Variants in DGKZ observed in about 807,000 individuals in gnomAD.
DGKZ encodes DAG kinase zeta.
In DGKZ, 45 loss-of-function variants were observed where a neutral mutation model predicts 142.5. That is an observed-to-expected ratio of 0.32 (90% CI 0.25 to 0.40). The LOEUF (loss-of-function observed/expected upper bound fraction) is 0.40, where lower values mean the gene tolerates loss of function less well. Among genes scored for constraint, DGKZ ranks in the 10% least tolerant of loss-of-function variants. The probability of loss-of-function intolerance (pLI) is 1.00; values close to 1 mark genes in which losing one functional copy is unlikely to be tolerated. For missense variants in DGKZ, 755 were observed against 1,306.5 expected, an observed-to-expected ratio of 0.58 and a Z score of 6.51; for synonymous variants, 442 against 527.0, an observed-to-expected ratio of 0.84 and a Z score of 2.21.
At chr11:46,360,227 T>C (rs1337970857) in intron 1 of DGKZ, among the ~76,000 whole-genome samples, 1 of 152,192 alleles carries the variant, frequency 6.6e-6, no homozygotes, top group East Asian at 1.9e-4. Context: ...TTTTAGAAAA[T>C]TATTTATAAA....
rs969093861 is a variant in DGKZ, at chr11:46,367,068, C to A, written c.162-223C>A. 18 of 1,442,656 alleles carry A rather than the reference C, an allele frequency of 1.2e-5. No homozygotes were observed. The highest frequency in any genetic ancestry group is 1.7e-5 in the Non-Finnish European group (18 of 1,086,646). The allele number at this position is 1,442,656 out of a possible 1,614,324, so 89.4% of individuals were successfully genotyped here. A position where few individuals can be genotyped will look rare whatever the true frequency, so the allele number is the denominator to read the frequency against. ...GCATGGGCCTTGAAGCTCTGCCTGGCTGAGGGTTCCCCACTTGGGAACACT... is the reference window on the plus strand; with the variant it reads ...GCATGGGCCTTGAAGCTCTGCCTGGATGAGGGTTCCCCACTTGGGAACACT... On this transcript the variant is annotated intron_variant, in intron 1 of 30. Transcript: ENST00000527911. The surrounding 1 kb of genome is among the most constrained non-coding windows in gnomAD (Gnocchi z 4.1).
chr11:46,354,508 T>C (rs1472628589), intron 1 of DGKZ, among the ~76,000 whole-genome samples: 1 of 152,216 alleles, frequency 6.6e-6, no homozygotes, highest in Non-Finnish European at 1.5e-5. Flanking sequence ...TGGAGTCTTT[T>C]TAAGAAATGA....
chr11:46,374,195 C>A lies in DGKZ; in HGVS notation c.1365C>A (p.Gly455=). The change falls in exon 15 of 31, where the codon GGC becomes GGA. Residue 455 remains glycine, a synonymous_variant. Coordinates refer to ENST00000527911, the Ensembl canonical transcript of DGKZ. ...TCTTCAACAACTACTTCAGCCTGGGCTTTGACGCCCACGTCACCCTGGAGT... is the reference window on the plus strand; with the variant it reads ...TCTTCAACAACTACTTCAGCCTGGGATTTGACGCCCACGTCACCCTGGAGT... 6.2e-7 allele frequency: 1 copy of A among 1,614,212 alleles called. No homozygotes were observed. Among genetic ancestry groups the A allele is most frequent in the Admixed American group, 1.7e-5 (1 of 60,038 alleles).
At position 46,375,186 on chromosome 11, in the gene DGKZ, C is replaced by T. The variant is rs1056604133; in HGVS notation, c.1710+141C>T. 63 of 876,936 alleles carry T rather than the reference C, an allele frequency of 7.2e-5. No individual in the cohort carries two copies. The East Asian group carries it at 1.6e-3, about 22-fold the overall frequency. The allele number at this position is 876,936 out of a possible 1,614,324, so 54.3% of individuals were successfully genotyped here. A position where few individuals can be genotyped will look rare whatever the true frequency, so the allele number is the denominator to read the frequency against. On this transcript the variant is annotated intron_variant, in intron 19 of 30. Coordinates refer to ENST00000527911, the Ensembl canonical transcript of DGKZ. ...TCTCATTCCTCTGGCTTGAGAGCGG[C>T]ACCTACCCCCTCTCCTCACTATGCC...
intron 16 of DGKZ, 72 bp downstream of exon 16, chr11:46,374,526 C>T: frequency 6.2e-7 from 1 of 1,611,862 alleles, no homozygotes; most frequent in Non-Finnish European, 8.5e-7. Context: ...CTGTGTCCAC[C>T]AGGCCCCAGG....
rs1278952278 is a variant in DGKZ, at chr11:46,379,585, C to T, written c.2688+17C>T. On this transcript the variant is annotated intron_variant, in intron 30 of 30. Transcript: ENST00000527911. ...GACCAGCAGGTGAGCAGACGGCAGG[C>T]AGGGAGCCCACGAGGGCACCAACCA... 6.9e-6 allele frequency: 11 copies of T among 1,592,370 alleles called. No homozygotes were observed. Among genetic ancestry groups the T allele is most frequent in the South Asian group, 1.1e-5 (1 of 88,574 alleles).
chr11:46,347,274 G>A (rs548649228), upstream of DGKZ: 1,815 of 980,010 alleles, frequency 1.9e-3, 2 homozygotes, highest in Middle Eastern at 7.9e-3. This position sits in a 1 kb window ranked among gnomAD's most constrained non-coding sequence, Gnocchi z 6.4. Context: ...CCGGGCTGGG[G>A]GCAGGGCTTT....
chr11:46,370,486 T>A (rs1487412659), intron 6 of DGKZ, among the ~76,000 whole-genome samples: 1 of 152,240 alleles, frequency 6.6e-6, no homozygotes, highest in Non-Finnish European at 1.5e-5. Flanking sequence ...ATGGAGAGGC[T>A]TGCTTCACTG....
chr11:46,374,648 C>T, exon 17 of DGKZ: 1 of 1,567,222 alleles, frequency 6.4e-7, no homozygotes, highest in Non-Finnish European at 8.7e-7. Context: ...AGGACCTGGC[C>T]AAGCACATCC....
intron 1 of DGKZ, among the ~76,000 whole-genome samples, chr11:46,335,299 G>A (rs1311731723): frequency 2.0e-5 from 3 of 148,486 alleles, no homozygotes; most frequent in Admixed American, 2.0e-4. Flanking sequence ...GGCGACAGAG[G>A]GTGACTCCAT....
intron 1 of DGKZ, among the ~76,000 whole-genome samples, chr11:46,349,560 C>CA (rs11411627): frequency 0.23 from 35,339 of 151,134 alleles, 5,474 homozygotes; most frequent in African/African-American, 0.44. Context: ...TTTTGTAAAA[C>CA]AAAAAAAAAC....
upstream of DGKZ, among the ~76,000 whole-genome samples, chr11:46,342,663 C>T (rs935957109): frequency 6.6e-6 from 1 of 152,206 alleles, no homozygotes; most frequent in Non-Finnish European, 1.5e-5. Flanking sequence ...GGGACTGAGC[C>T]TTGGGGGCAT....
At chr11:46,335,670 C>T (rs1435770535) in intron 1 of DGKZ, among the ~76,000 whole-genome samples, 2 of 152,218 alleles carry the variant, frequency 1.3e-5, no homozygotes, top group Admixed American at 1.3e-4. Context: ...AAGGATAGGG[C>T]ATCTCCTCAC....
At chr11:46,353,438 C>T (rs1322164161) in intron 1 of DGKZ, among the ~76,000 whole-genome samples, 3 of 152,208 alleles carry the variant, frequency 2.0e-5, no homozygotes, top group African/African-American at 4.8e-5. Flanking sequence ...GACCTGGACC[C>T]CCAAGGGAGA....
chr11:46,379,674 A>G, intron 30 of DGKZ, 106 bp downstream of exon 30: 1 of 1,304,512 alleles, frequency 7.7e-7, no homozygotes, highest in Middle Eastern at 1.9e-4. Flanking sequence ...GACACAGTCC[A>G]GACCCTGGGA....
At chr11:46,366,328 C>A (rs756705964) in intron 1 of DGKZ, 2 of 1,562,728 alleles carry the variant, frequency 1.3e-6, no homozygotes, top group Non-Finnish European at 1.7e-6. Flanking sequence ...AGCGGCCCAG[C>A]AGCGTGGGGC....
At chr11:46,349,878 A>G (rs373788282) in intron 1 of DGKZ, among the ~76,000 whole-genome samples, 66 of 151,882 alleles carry the variant, frequency 4.3e-4, no homozygotes, top group African/African-American at 1.6e-3. Context: ...GGGAGCTTTA[A>G]GAAATACAGA....
At chr11:46,334,913 A>G (rs1939940360) in intron 1 of DGKZ, among the ~76,000 whole-genome samples, 1 of 152,134 alleles carries the variant, frequency 6.6e-6, no homozygotes, top group Non-Finnish European at 1.5e-5. Flanking sequence ...TCTGCCAGAG[A>G]CTTGTGTGTC....
chr11:46,333,015 C>T (rs1271699331), exon 1 of DGKZ: 2 of 331,164 alleles, frequency 6.0e-6, no homozygotes, highest in East Asian at 4.6e-5. Flanking sequence ...GGCGCCGCGG[C>T]GCGCAGAGCG....
Sources: allele counts gnomAD v4.1 joint callset (sites outside exome capture counted in the v4.1 genomes callset), GRCh38; gene constraint gnomAD v4.1.1; non-coding constraint Gnocchi (gnomAD v3.1); transcripts MANE v1.5; gene names NCBI Gene and HGNC (gene_info 2026-07-23, HGNC 2026-07-21).